Variants in RSL24D1 observed in about 807,000 individuals in gnomAD.
RSL24D1 encodes the protein probable ribosome biogenesis protein RLP24.
Under a neutral mutation model 26.2 loss-of-function variants are expected in RSL24D1, and 6 were observed. That is an observed-to-expected ratio of 0.23 (90% confidence interval 0.13 to 0.45). The LOEUF (loss-of-function observed/expected upper bound fraction) is 0.45, where lower values mean the gene tolerates loss of function less well. Among genes scored for constraint, RSL24D1 ranks in the 20% least tolerant of loss-of-function variants. The pLI is 0.99. For missense variants in RSL24D1, 176 were observed against 202.6 expected (o/e 0.87, Z 0.80); for synonymous variants, 61 against 59.1 (o/e 1.03, Z -0.15).
chr15:55,192,573 G>A, intron 2 of RSL24D1, 147 bp downstream of exon 2: 1 of 523,550 alleles, frequency 1.9e-6, no homozygotes, highest in Admixed American at 3.6e-5. Context: ...ATGTGAGAAT[G>A]AGATTATTTC....
chr15:55,190,237 G>C (rs1426701260), intron 3 of RSL24D1, among the ~76,000 whole-genome samples: 1 of 102,354 alleles, frequency 9.8e-6, no homozygotes, highest in Non-Finnish European at 1.7e-5. Context: ...GACAGAGCAA[G>C]ACTTTCCAAC....
In RSL24D1 at chr15:55,192,836, A is replaced by C; in HGVS notation, c.82-3T>G. On this transcript the variant is annotated splice_polypyrimidine_tract_variant and splice_region_variant and intron_variant, in intron 1 of 5. Transcript: ENST00000260443. Reference sequence around the variant, plus strand: ...TTAGATTTGCAAAATCTGAACACCTACAAGAAAAGTTAAAATATTGAGAAG... The same window carrying C: ...TTAGATTTGCAAAATCTGAACACCTCCAAGAAAAGTTAAAATATTGAGAAG... 6.3e-7 allele frequency: 1 copy of C among 1,590,518 alleles called. No homozygotes were observed. Among genetic ancestry groups the C allele is most frequent in the Non-Finnish European group, 8.6e-7 (1 of 1,159,622 alleles).
intron 2 of RSL24D1, among the ~76,000 whole-genome samples, chr15:55,191,472 G>GA (rs556157608): frequency 0.021 from 2,985 of 139,218 alleles, 44 homozygotes; most frequent in Middle Eastern, 0.043. Context: ...GTAGGAGACA[G>GA]AAAAAAAAAA....
rs1473497501 is a variant in RSL24D1, at chr15:55,181,602, C to T, written c.*550G>A. 1 of 152,650 alleles carries T rather than the reference C, an allele frequency of 6.6e-6. No homozygotes were observed. The highest frequency in any genetic ancestry group is 2.4e-5 in the African/African-American group (1 of 41,448). 9.5% of individuals were successfully genotyped at this position (152,650 alleles called of 1,614,324 possible). A position where few individuals can be genotyped will look rare whatever the true frequency, so the allele number is the denominator to read the frequency against. On this transcript the variant is annotated 3_prime_UTR_variant, in exon 6 of 6. Transcript: ENST00000260443. ...ATCCCCAGCATCCACAACTACCTAT[C>T]AGAAGGGTTAAACCAGGTCAAAACA...
intron 3 of RSL24D1, among the ~76,000 whole-genome samples, chr15:55,187,441 C>A (rs1343440304): frequency 1.3e-5 from 2 of 151,964 alleles, no homozygotes; most frequent in Non-Finnish European, 2.9e-5. Flanking sequence ...ATATTTTGAA[C>A]CTAAGAAGCA....
rs560014253 is a variant in RSL24D1 at position 55,181,884 on chromosome 15, C to G, written c.*268G>C. ...CTGCCTAGTGCCATTATCCAAATAGCACAACCATTTTACGTCCACAATTCA... is the reference window on the plus strand; with the variant it reads ...CTGCCTAGTGCCATTATCCAAATAGGACAACCATTTTACGTCCACAATTCA... On this transcript the variant is annotated 3_prime_UTR_variant, in exon 6 of 6. Transcript: ENST00000260443. The G allele has an allele frequency of 2.7e-5, 9 of 336,032 alleles. No homozygotes were observed. In the East Asian group the frequency reaches 4.5e-4, roughly 17 times the overall value. 20.8% of individuals were successfully genotyped at this position (336,032 alleles called of 1,614,324 possible).
At chr15:55,191,138 C>T in intron 2 of RSL24D1, 91 bp from the exon 3 acceptor site, 2 of 880,994 alleles carry the variant, frequency 2.3e-6, no homozygotes, top group Non-Finnish European at 3.5e-6. Context: ...CCTAAGTGTT[C>T]TAAATGAACA....
At position 55,196,861 on chromosome 15, in the gene RSL24D1, C is replaced by G. The variant is rs1336610618; in HGVS notation, c.30G>C (p.Ser10=). The G allele has an allele frequency of 6.2e-7, 1 of 1,614,144 alleles. No homozygotes were observed. The highest frequency in any genetic ancestry group is 2.2e-5 in the East Asian group (1 of 44,876). The change falls in exon 1 of 6, where the codon TCG becomes TCC. Residue 10 remains serine (S), a synonymous_variant. Transcript: ENST00000260443. ...TGCCGTGTCCAGGATAGATGGGCCCCGAACAGAAATAACACTTTTCGATAC... is the reference window on the plus strand; with the variant it reads ...TGCCGTGTCCAGGATAGATGGGCCCGGAACAGAAATAACACTTTTCGATAC... MRIEKCYFC[S]GPIYPGHGMM...
At chr15:55,186,977 A>G (rs1326118710) in intron 3 of RSL24D1, among the ~76,000 whole-genome samples, 1 of 152,210 alleles carries the variant, frequency 6.6e-6, no homozygotes, top group Non-Finnish European at 1.5e-5. Flanking sequence ...GAAGGATATC[A>G]GAGAACTCTA....
chr15:55,191,103 A>T, intron 2 of RSL24D1, 56 bp from the exon 3 acceptor site: 1 of 1,241,700 alleles, frequency 8.1e-7, no homozygotes, highest in Non-Finnish European at 1.1e-6. Context: ...TAGAAAGGAA[A>T]CATTTCTTAA....
chr15:55,196,839 C>T lies in RSL24D1; in HGVS notation c.52G>A (p.Gly18Ser). The stretch of plus-strand genomic sequence containing the variant: ...CAATCGTTGCGGACGAACATCATGC[C>T]GTGTCCAGGATAGATGGGCCCCGAA... ...FCSGPIYPGH[G>S]MMFVRNDCKV... Residue 18 changes from glycine (G) to serine (S), a missense_variant, in exon 1 of 6, where the codon GGC (glycine) becomes AGC (serine). Gly to Ser is a moderately conservative substitution (Grantham distance 56, BLOSUM62 0). Coordinates refer to ENST00000260443, the MANE Select transcript of RSL24D1 (RefSeq NM_016304.3). The T allele has an allele frequency of 1.2e-6, 2 of 1,614,172 alleles. No individual in the cohort carries two copies. Among genetic ancestry groups the T allele is most frequent in the Non-Finnish European group, 1.7e-6 (2 of 1,180,030 alleles).
At chr15:55,191,800 CAGCTTT>C (rs1165065482) in intron 2 of RSL24D1, among the ~76,000 whole-genome samples, 1 of 152,210 alleles carries the variant, frequency 6.6e-6, no homozygotes, top group African/African-American at 2.4e-5. Flanking sequence ...TATATATACA[CAGCTTT>C]ATTCAGATCA....
At chr15:55,183,759 A>G (rs1292776587) in intron 4 of RSL24D1, among the ~76,000 whole-genome samples, 3 of 152,108 alleles carry the variant, frequency 2.0e-5, no homozygotes, top group African/African-American at 7.2e-5. Flanking sequence ...CTCAAACTCA[A>G]AGTGGTTTTT....
intron 4 of RSL24D1, 124 bp from the exon 5 acceptor site, chr15:55,183,524 T>C (rs1273201099): frequency 3.0e-6 from 2 of 668,134 alleles, no homozygotes; most frequent in Non-Finnish European, 5.3e-6. Context: ...AATGGAAACA[T>C]GATGGCTGCC....
In RSL24D1 at chr15:55,187,065, G is replaced by A. The variant is rs146438229; in HGVS notation, c.269-1640C>T. Among the ~76,000 whole-genome samples the A allele has an allele frequency of 2.3e-3, 351 of 152,212 alleles. 3 individuals carry two copies. The highest frequency in any genetic ancestry group is 8.0e-3 in the African/African-American group (332 of 41,536). The stretch of plus-strand genomic sequence containing the variant: ...ATGTAGCCTGGGACCAGTAACAGTG[G>A]CATCATTTGGGAGCTTGTTAGAAAT... On this transcript the variant is annotated intron_variant, in intron 3 of 5. Coordinates refer to ENST00000260443, the MANE Select transcript of RSL24D1 (RefSeq NM_016304.3).
chr15:55,196,391 A>T (rs1244714195), intron 1 of RSL24D1: 1 of 463,032 alleles, frequency 2.2e-6, no homozygotes, highest in Non-Finnish European at 4.3e-6. Context: ...ATTAAGCAAT[A>T]CGGAACACTT....
At chr15:55,183,953 G>A (rs1266218605) in intron 4 of RSL24D1, among the ~76,000 whole-genome samples, 3 of 152,100 alleles carry the variant, frequency 2.0e-5, no homozygotes, top group Admixed American at 2.0e-4. Context: ...CTGTTACAGT[G>A]CCTAGATCTT....
At chr15:55,195,200 G>A (rs1190283511) in intron 1 of RSL24D1, 19 of 152,080 alleles carry the variant, frequency 1.2e-4, no homozygotes, top group Non-Finnish European at 5.9e-5. Context: ...CGACTCTCAT[G>A]TTTCTAGCAA....
At position 55,196,830 on chromosome 15, in the gene RSL24D1, A is replaced by C. The variant is rs775326760; in HGVS notation, c.61T>G (p.Phe21Val). 6.2e-7 allele frequency: 1 copy of C among 1,614,230 alleles called. No homozygotes were observed. The highest frequency in any genetic ancestry group is 2.2e-5 in the East Asian group (1 of 44,876). Reference sequence around the variant, plus strand: ...CTTACCTTGCAATCGTTGCGGACGAACATCATGCCGTGTCCAGGATAGATG... The same window carrying C: ...CTTACCTTGCAATCGTTGCGGACGACCATCATGCCGTGTCCAGGATAGATG... ...GPIYPGHGMM[F>V]VRNDCKVFRF... is the part of the protein sequence containing the mutation. Residue 21 changes from phenylalanine to valine, a missense_variant, in exon 1 of 6, where the codon TTC (phenylalanine) becomes GTC (valine). Transcript: ENST00000260443.
Sources: allele counts gnomAD v4.1 joint callset (sites outside exome capture counted in the v4.1 genomes callset), GRCh38; gene constraint gnomAD v4.1.1; transcripts MANE v1.5; gene names NCBI Gene and HGNC (gene_info 2026-07-23, HGNC 2026-07-21).